RASA2: variants seen among roughly 807,000 people sequenced by gnomAD.
RASA2 encodes the protein RAS p21 protein activator 2.
A neutral mutation model predicts 118.2 loss-of-function variants in RASA2; 155 were observed. The ratio of observed to expected loss-of-function variants is 1.31; its 90% CI spans 1.15 to 1.50. The LOEUF (loss-of-function observed/expected upper bound fraction) is 1.50, where lower values mean the gene tolerates loss of function less well. RASA2 is among the 40% of genes most tolerant of loss of function. RASA2 has a pLI of 0.00. For missense variants in RASA2, 1,016 were observed against 1,009.6 expected, an observed-to-expected ratio of 1.01 and a Z score of -0.09; for synonymous variants, 353 against 349.1, an observed-to-expected ratio of 1.01 and a Z score of -0.12.
At chr3:141,569,926 C>A (rs2082889487) in intron 9 of RASA2, among the ~76,000 whole-genome samples, 1 of 152,072 alleles carries the variant, frequency 6.6e-6, no homozygotes, top group Non-Finnish European at 1.5e-5. Flanking sequence ...AGGGTAGTGG[C>A]CTCCAGCAGC....
At position 141,574,994 on chromosome 3, in the gene RASA2, T is replaced by TA. The variant is rs372031789; in HGVS notation, c.1483+928dup. On this transcript the variant is annotated intron_variant, in intron 14 of 23. Coordinates refer to ENST00000286364, the MANE Select transcript of RASA2 (RefSeq NM_006506.5). ...AGAAACTTTTCATAAAATTAAGTGTTACTGTCGCTGCTAATACTTAGAATT... is the reference window on the plus strand; with the variant it reads ...AGAAACTTTTCATAAAATTAAGTGTTAACTGTCGCTGCTAATACTTAGAATT... Among the ~76,000 whole-genome samples, 132 of 152,356 alleles carry TA rather than the reference T, an allele frequency of 8.7e-4. 3 individuals are homozygous for TA. Among genetic ancestry groups the TA allele is most frequent in the African/African-American group, 3.0e-3 (125 of 41,582 alleles).
intron 3 of RASA2, among the ~76,000 whole-genome samples, chr3:141,527,176 G>T (rs1210210668): frequency 6.6e-6 from 1 of 152,158 alleles, no homozygotes; most frequent in Non-Finnish European, 1.5e-5. Context: ...AATAAACTTT[G>T]TAGGCAACCC....
chr3:141,603,021 G>C (rs751547041), intron 19 of RASA2, among the ~76,000 whole-genome samples: 1 of 152,144 alleles, frequency 6.6e-6, no homozygotes, highest in African/African-American at 2.4e-5. Flanking sequence ...CTAACTTGGG[G>C]ATAATGGAAA....
In RASA2 at chr3:141,584,330, CAAAAAAAAAAA is replaced by C. The variant is rs56396460; in HGVS notation, c.1753-1680_1753-1670del. 2.5e-4 allele frequency among the ~76,000 whole-genome samples: 15 copies of C among 60,686 alleles called. No homozygotes were observed. In the South Asian group the frequency reaches 2.9e-3, roughly 12 times the overall value. 39.8% of individuals were successfully genotyped at this position (60,686 alleles called of 152,430 possible). On this transcript the variant is annotated intron_variant, in intron 17 of 23. Transcript: ENST00000286364. ...TGGGCGACAGAACAAAACTCCATCC[CAAAAAAAAAAA>C]AAAAAAAAAAAAAAGAAAGGAAAAA... is the stretch of plus-strand genomic sequence containing the variant.
intron 9 of RASA2, among the ~76,000 whole-genome samples, chr3:141,567,624 G>T (rs1235995089): frequency 6.6e-6 from 1 of 152,076 alleles, no homozygotes; most frequent in Non-Finnish European, 1.5e-5. Context: ...TGCAATTCGT[G>T]TCATAATTGT....
Position 141,609,467 on chromosome 3 carries a change from CAGAA to C in RASA2, c.2278_2281del (p.Arg760PhefsTer39). On this transcript the variant is annotated frameshift_variant, in exon 22 of 24. Coordinates refer to ENST00000286364, the MANE Select transcript of RASA2 (RefSeq NM_006506.5). LOFTEE classifies it high-confidence loss of function. ...ATAGATATTGATGAAGACAGAGAAA[CAGAA>C]AGAATTTATTCCCTTTTTACCCTCA... 2 of 1,605,410 alleles carry C rather than the reference CAGAA, an allele frequency of 1.2e-6. No homozygotes were observed. Among genetic ancestry groups the C allele is most frequent in the African/African-American group, 1.3e-5 (1 of 74,742 alleles).
At chr3:141,543,133 T>A (rs1010802983) in intron 5 of RASA2, among the ~76,000 whole-genome samples, 2 of 152,082 alleles carry the variant, frequency 1.3e-5, no homozygotes, top group Non-Finnish European at 2.9e-5. Context: ...TGTGGGTTAC[T>A]TGAACACTTT....
chr3:141,573,412 A>G (rs1317073512), intron 13 of RASA2, among the ~76,000 whole-genome samples, 191 bp downstream of exon 13: 1 of 152,084 alleles, frequency 6.6e-6, no homozygotes, highest in Non-Finnish European at 1.5e-5. Context: ...CAGTGGTTTC[A>G]CTTTATTTTT....
intron 2 of RASA2, among the ~76,000 whole-genome samples, chr3:141,513,042 A>T (rs2081973890): frequency 6.6e-6 from 1 of 151,250 alleles, no homozygotes; most frequent in Non-Finnish European, 1.5e-5. Context: ...TAGCCTGGGC[A>T]ACAAGAGTGA....
chr3:141,564,159 C>T (rs1041053808), intron 9 of RASA2, among the ~76,000 whole-genome samples: 3 of 151,992 alleles, frequency 2.0e-5, no homozygotes, highest in African/African-American at 7.2e-5. Flanking sequence ...CCTAATTCCT[C>T]TACATAGAAC....
chr3:141,539,530 GT>G (rs1284518575), intron 4 of RASA2, among the ~76,000 whole-genome samples: 1 of 152,080 alleles, frequency 6.6e-6, no homozygotes, highest in Non-Finnish European at 1.5e-5. Context: ...TTTGAAAAGG[GT>G]TGTTCTAAAG....
chr3:141,579,304 GTATTCATTTAATACC>G (rs1446564563), intron 15 of RASA2: 1 of 152,092 alleles, frequency 6.6e-6, no homozygotes. Flanking sequence ...ATTCAGCAGG[GTATTCATTTAATACC>G]TATTCATTTT....
chr3:141,559,844 ACT>A, intron 8 of RASA2, 48 bp from the exon 9 acceptor site: 11 of 1,452,686 alleles, frequency 7.6e-6, no homozygotes, highest in Non-Finnish European at 1.1e-5. Context: ...TGTGGTGTGA[ACT>A]CTCTTAAACA....
At chr3:141,557,085 C>T (rs2151116734) in intron 7 of RASA2, among the ~76,000 whole-genome samples, 1 of 152,312 alleles carries the variant, frequency 6.6e-6, no homozygotes, top group South Asian at 2.1e-4. Context: ...CCTTAAACCT[C>T]AGCTGGATGG....
At chr3:141,539,757 G>T (rs542569513) in intron 4 of RASA2, among the ~76,000 whole-genome samples, 8 of 152,274 alleles carry the variant, frequency 5.3e-5, no homozygotes, top group African/African-American at 1.9e-4. Context: ...TCAAGCTCTA[G>T]ATTATATTGT....
At chr3:141,511,927 A>C (rs1335392849) in intron 1 of RASA2, among the ~76,000 whole-genome samples, 1 of 152,012 alleles carries the variant, frequency 6.6e-6, no homozygotes, top group East Asian at 1.9e-4. Context: ...CTTTCATAGG[A>C]GTGGGGATGC....
chr3:141,520,447 A>G (rs2082094526), intron 3 of RASA2, among the ~76,000 whole-genome samples: 1 of 152,144 alleles, frequency 6.6e-6, no homozygotes, highest in Admixed American at 6.5e-5. Context: ...AACCCTAGAA[A>G]CCATTCTTAA....
In RASA2 at chr3:141,510,865, T is replaced by C. The variant is rs571271708; in HGVS notation, c.134-1298T>C. Among the ~76,000 whole-genome samples, 6 of 152,310 alleles carry C rather than the reference T, an allele frequency of 3.9e-5. 1 individual carries two copies. The South Asian group carries it at 1.2e-3, about 32-fold the overall frequency. On this transcript the variant is annotated intron_variant, in intron 1 of 23. Transcript: ENST00000286364. ...ACTGTGGTATAGAAAGATAATTTTA[T>C]TCTAAGTGAAATGGTGTGGTATTGG...
intron 4 of RASA2, among the ~76,000 whole-genome samples, chr3:141,530,379 G>A (rs2082243725): frequency 6.6e-6 from 1 of 151,944 alleles, no homozygotes. Context: ...GTAAAGATGT[G>A]TGTTTAGCCA....
Sources: allele counts gnomAD v4.1 joint callset (sites outside exome capture counted in the v4.1 genomes callset), GRCh38; gene constraint gnomAD v4.1.1; transcripts MANE v1.5; gene names NCBI Gene and HGNC (gene_info 2026-07-23, HGNC 2026-07-21).